Variants in POFUT3 observed in about 807,000 individuals in gnomAD.
POFUT3 encodes the protein protein O-fucosyltransferase 3.
At chr8:33,399,534 G>A in the POFUT3 span, among the ~76,000 whole-genome samples, 5 of 152,188 alleles carry the variant, frequency 3.3e-5, no homozygotes, top group African/African-American at 1.2e-4. Flanking sequence ...TTCCAAGACA[G>A]GGAGTCAATG....
At chr8:33,378,887 C>T in the POFUT3 span, among the ~76,000 whole-genome samples, 1 of 152,174 alleles carries the variant, frequency 6.6e-6, no homozygotes, top group Non-Finnish European at 1.5e-5. Context: ...ACTAACCTGA[C>T]TCTACCTCCC....
At chr8:33,311,101 T>G in the POFUT3 span, among the ~76,000 whole-genome samples, 2 of 152,226 alleles carry the variant, frequency 1.3e-5, no homozygotes, top group African/African-American at 4.8e-5. Context: ...GGTTTTTCTT[T>G]GCAGAAACCT....
At chr8:33,319,339 TA>T in the POFUT3 span, among the ~76,000 whole-genome samples, 42 of 89,104 alleles carry the variant, frequency 4.7e-4, 1 homozygote, top group African/African-American at 2.0e-3. Context: ...ATATAATATG[TA>T]AATATATTTT....
At chr8:33,432,973 C>T in the POFUT3 span, among the ~76,000 whole-genome samples, 1 of 152,144 alleles carries the variant, frequency 6.6e-6, no homozygotes, top group African/African-American at 2.4e-5. Flanking sequence ...GTGACTCACA[C>T]CTGTAATACC....
At chr8:33,339,882 A>G in the POFUT3 span, among the ~76,000 whole-genome samples, 1 of 152,182 alleles carries the variant, frequency 6.6e-6, no homozygotes, top group Non-Finnish European at 1.5e-5. Context: ...GAAAATTAAA[A>G]TAACTTGTTG....
chr8:33,370,785 G>C, the POFUT3 span: 1 of 152,104 alleles, frequency 6.6e-6, no homozygotes, highest in African/African-American at 2.4e-5. Flanking sequence ...CACCTCTCAG[G>C]CTTTCTTTTG....
chr8:33,429,518 G>T, the POFUT3 span, among the ~76,000 whole-genome samples: 77 of 152,234 alleles, frequency 5.1e-4, no homozygotes, highest in African/African-American at 1.8e-3. Context: ...ATCATGTGGG[G>T]TATTACAAAG....
the POFUT3 span, among the ~76,000 whole-genome samples, chr8:33,396,125 G>T: frequency 6.6e-6 from 1 of 152,148 alleles, no homozygotes; most frequent in Non-Finnish European, 1.5e-5. Flanking sequence ...ACCTGGGAGT[G>T]CTGGCTAGAG....
the POFUT3 span, among the ~76,000 whole-genome samples, chr8:33,458,990 T>A: frequency 6.6e-6 from 1 of 152,138 alleles, no homozygotes; most frequent in African/African-American, 2.4e-5. Flanking sequence ...AGAGAACACC[T>A]TAGCGTCTAC....
At chr8:33,398,665 G>GTTT in the POFUT3 span, among the ~76,000 whole-genome samples, 4 of 152,088 alleles carry the variant, frequency 2.6e-5, no homozygotes, top group Non-Finnish European at 5.9e-5. Context: ...AACCCCCTGT[G>GTTT]ACACAAATTT....
At chr8:33,460,626 G>T in the POFUT3 span, 1 of 527,292 alleles carries the variant, frequency 1.9e-6, no homozygotes, top group Non-Finnish European at 2.4e-6. Flanking sequence ...TTCTGAGGAA[G>T]CCATCCAATT....
the POFUT3 span, among the ~76,000 whole-genome samples, chr8:33,345,316 A>C: frequency 6.6e-6 from 1 of 152,160 alleles, no homozygotes; most frequent in Non-Finnish European, 1.5e-5. Context: ...CATTGAATTT[A>C]CACGATTTAA....
At chr8:33,416,830 C>CAAAAAAAAAAAAA in the POFUT3 span, among the ~76,000 whole-genome samples, 5 of 44,190 alleles carry the variant, frequency 1.1e-4, no homozygotes, top group African/African-American at 2.4e-4. Flanking sequence ...TGGGCGACGA[C>CAAAAAAAAAAAAA]AAAAAAAAAA....
chr8:33,326,561 T>C, the POFUT3 span, among the ~76,000 whole-genome samples: 1 of 152,368 alleles, frequency 6.6e-6, no homozygotes, highest in East Asian at 1.9e-4. Flanking sequence ...TACTTCCTAC[T>C]GAGCTCAGGA....
At chr8:33,409,747 T>C in the POFUT3 span, among the ~76,000 whole-genome samples, 1 of 151,952 alleles carries the variant, frequency 6.6e-6, no homozygotes, top group Non-Finnish European at 1.5e-5. Flanking sequence ...CTACTAAAAA[T>C]ACAAAAAATT....
the POFUT3 span, among the ~76,000 whole-genome samples, chr8:33,358,838 TAA>T: frequency 6.8e-6 from 1 of 147,228 alleles, no homozygotes; most frequent in Non-Finnish European, 1.5e-5. Context: ...CCCCATCTCT[TAA>T]AAAAAAAAGA....
chr8:33,397,601 T>G, the POFUT3 span, among the ~76,000 whole-genome samples: 1 of 152,034 alleles, frequency 6.6e-6, no homozygotes, highest in African/African-American at 2.4e-5. Context: ...CAGTTCGGAG[T>G]CCCAGAATGT....
chr8:33,320,184 T>G, the POFUT3 span, among the ~76,000 whole-genome samples: 1 of 152,024 alleles, frequency 6.6e-6, no homozygotes, highest in Non-Finnish European at 1.5e-5. Context: ...GATTGATGCT[T>G]TGATTGCTAA....
chr8:33,351,154 C>CA, the POFUT3 span, among the ~76,000 whole-genome samples: 15 of 152,034 alleles, frequency 9.9e-5, no homozygotes, highest in African/African-American at 3.4e-4. Flanking sequence ...AGGGTTTCAC[C>CA]ATGTTGGCCA....
Sources: allele counts gnomAD v4.1 joint callset (sites outside exome capture counted in the v4.1 genomes callset), GRCh38; gene constraint gnomAD v4.1.1; transcripts MANE v1.5; gene names NCBI Gene and HGNC (gene_info 2026-07-23, HGNC 2026-07-21).